NMNAT1: variants seen among roughly 807,000 people sequenced by gnomAD.
NMNAT1 encodes the protein nicotinamide/nicotinic acid mononucleotide adenylyltransferase 1.
In NMNAT1, 11 loss-of-function variants were observed where a neutral mutation model predicts 16.7. The ratio of observed to expected loss-of-function variants is 0.66; its 90% CI spans 0.41 to 1.09. The LOEUF is 1.09. NMNAT1 is among the 50% of genes least tolerant of loss of function. The probability of loss-of-function intolerance (pLI) is 0.00; values close to 1 mark genes in which losing one functional copy is unlikely to be tolerated. For synonymous variants in NMNAT1, 110 were observed against 119.8 expected (o/e 0.92, Z 0.53); for missense variants, 280 against 332.3 (o/e 0.84, Z 1.22).
the NMNAT1 span, among the ~76,000 whole-genome samples, chr1:9,993,008 A>T: frequency 6.6e-6 from 1 of 152,176 alleles, no homozygotes; most frequent in Admixed American, 6.6e-5. Context: ...AGGAGGAAAA[A>T]CATCTCAGAA....
intron 1 of NMNAT1, among the ~76,000 whole-genome samples, chr1:9,955,025 C>T (rs1641219928): frequency 1.3e-5 from 2 of 152,162 alleles, no homozygotes; most frequent in Non-Finnish European, 2.9e-5. Context: ...TGGCTCACGC[C>T]TGTAATCCCA....
chr1:9,979,181 G>A (rs1426924479), intron 3 of NMNAT1, among the ~76,000 whole-genome samples: 1 of 152,134 alleles, frequency 6.6e-6, no homozygotes, highest in Non-Finnish European at 1.5e-5. Flanking sequence ...TAACCAAAAT[G>A]TTCAGGCTGA....
chr1:9,950,390 A>G (rs561751338), intron 1 of NMNAT1, among the ~76,000 whole-genome samples: 1 of 152,230 alleles, frequency 6.6e-6, no homozygotes, highest in Admixed American at 6.6e-5. Flanking sequence ...CACGCCTGGC[A>G]TAATGCAGTT....
At chr1:9,962,063 C>G (rs896219370) in intron 1 of NMNAT1, among the ~76,000 whole-genome samples, 1 of 151,938 alleles carries the variant, frequency 6.6e-6, no homozygotes, top group Non-Finnish European at 1.5e-5. Context: ...CTACCGCGCC[C>G]GGACCCCAAG....
chr1:9,948,849 T>C (rs1004516540), intron 1 of NMNAT1, among the ~76,000 whole-genome samples: 3 of 148,250 alleles, frequency 2.0e-5, no homozygotes, highest in African/African-American at 4.9e-5. Flanking sequence ...GGTTTCACCA[T>C]GTTGGCCAGG....
intron 1 of NMNAT1, among the ~76,000 whole-genome samples, chr1:9,965,374 A>G (rs1557465431): frequency 6.6e-6 from 1 of 151,126 alleles, no homozygotes; most frequent in Non-Finnish European, 1.5e-5. Flanking sequence ...CTTTGGATAT[A>G]TAAGAATATT....
the NMNAT1 span, among the ~76,000 whole-genome samples, chr1:9,991,373 T>C: frequency 3.9e-5 from 6 of 152,118 alleles, no homozygotes; most frequent in African/African-American, 1.4e-4. Context: ...TTTCACCCTG[T>C]TGGCCAGGCT....
At chr1:9,977,148 C>T (rs181862153) in intron 3 of NMNAT1, among the ~76,000 whole-genome samples, 1 of 152,330 alleles carries the variant, frequency 6.6e-6, no homozygotes, top group East Asian at 1.9e-4. Context: ...CTCAGGTGAT[C>T]TGCCCATCTC....
At chr1:9,968,824 A>G (rs1641623525) in intron 1 of NMNAT1, among the ~76,000 whole-genome samples, 1 of 147,112 alleles carries the variant, frequency 6.8e-6, no homozygotes, top group Non-Finnish European at 1.5e-5. Context: ...CTGTAATCCC[A>G]GCTACTTGGG....
chr1:9,956,138 G>C (rs1641253314), intron 1 of NMNAT1, among the ~76,000 whole-genome samples: 1 of 151,198 alleles, frequency 6.6e-6, no homozygotes, highest in Non-Finnish European at 1.5e-5. Context: ...TGTCATCACT[G>C]GTAAATAAAT....
Position 9,974,528 on chromosome 1 carries a change from A to G in NMNAT1, c.116-1064A>G, listed in dbSNP as rs532313063. 1.6e-4 allele frequency among the ~76,000 whole-genome samples: 24 copies of G among 151,938 alleles called. No homozygotes were observed. The South Asian group carries it at 3.1e-3, about 20-fold the overall frequency. On this transcript the variant is annotated intron_variant, in intron 2 of 4. Coordinates refer to ENST00000377205, the MANE Select transcript of NMNAT1 (RefSeq NM_022787.4). ...CTCAGCCTCCGGAGTAGCTGGGATT[A>G]CAGGTGCCCGCCACCATGCCTGGCT...
At position 9,985,189 on chromosome 1, in the gene NMNAT1, C is replaced by T. The variant is rs953125220; in HGVS notation, c.*2488C>T. Reference sequence around the variant, plus strand: ...ATCCACTCAGCTGTGAGGCTGCGTACACAGTCTCCACCTCTGAAATCTGAA... The same window carrying T: ...ATCCACTCAGCTGTGAGGCTGCGTATACAGTCTCCACCTCTGAAATCTGAA... On this transcript the variant is annotated 3_prime_UTR_variant, in exon 5 of 5. Coordinates refer to ENST00000377205, the MANE Select transcript of NMNAT1 (RefSeq NM_022787.4). 5 of 152,302 alleles carry T rather than the reference C, an allele frequency of 3.3e-5. No homozygotes were observed. The highest frequency in any genetic ancestry group is 1.2e-4 in the African/African-American group (5 of 41,560). 9.4% of individuals were successfully genotyped at this position (152,302 alleles called of 1,614,324 possible). A position where few individuals can be genotyped will look rare whatever the true frequency, so the allele number is the denominator to read the frequency against.
chr1:9,978,373 G>A lies in NMNAT1; in HGVS notation c.299+2598G>A, dbSNP rs114721678. On this transcript the variant is annotated intron_variant, in intron 3 of 4. Transcript: ENST00000377205. ...TCCGTCTCAAAAAAAAAGATTACTTGTCAGGCTCCACAGTCCCAGGATGAT... is the reference window on the plus strand; with the variant it reads ...TCCGTCTCAAAAAAAAAGATTACTTATCAGGCTCCACAGTCCCAGGATGAT... Among the ~76,000 whole-genome samples, 1,498 of 152,180 alleles carry A rather than the reference G, an allele frequency of 9.8e-3. 13 individuals carry two copies. The highest frequency in any genetic ancestry group is 0.016 in the Non-Finnish European group (1,092 of 67,986).
At chr1:9,947,956 G>T (rs1641016692) in intron 1 of NMNAT1, among the ~76,000 whole-genome samples, 1 of 152,174 alleles carries the variant, frequency 6.6e-6, no homozygotes, top group Admixed American at 6.6e-5. Context: ...CCCTGCAGTG[G>T]TTGATGAGGT....
intron 1 of NMNAT1, among the ~76,000 whole-genome samples, chr1:9,957,403 C>T (rs757704158): frequency 1.9e-4 from 28 of 151,208 alleles, no homozygotes; most frequent in Non-Finnish European, 3.4e-4. Context: ...TCACTGTAAC[C>T]TCCACCTCCC....
At chr1:9,977,201 C>T (rs1431055516) in intron 3 of NMNAT1, among the ~76,000 whole-genome samples, 1 of 152,164 alleles carries the variant, frequency 6.6e-6, no homozygotes, top group African/African-American at 2.4e-5. Context: ...AGCCACCGCA[C>T]CTGGCTGACA....
intron 3 of NMNAT1, among the ~76,000 whole-genome samples, chr1:9,977,752 G>A (rs1641847309): frequency 6.6e-6 from 1 of 151,966 alleles, no homozygotes; most frequent in Admixed American, 6.6e-5. Flanking sequence ...CAGCTACTAG[G>A]GAGGCTGAGG....
intron 1 of NMNAT1, among the ~76,000 whole-genome samples, chr1:9,968,080 G>GTTTTTTTTTTTTTTTT (rs6143117): frequency 2.7e-4 from 32 of 117,800 alleles, no homozygotes; most frequent in Non-Finnish European, 4.1e-4. Context: ...TTTTTTTTTT[G>GTTTTTTTTTTTTTTTT]TTTTTTTTTG....
At chr1:9,985,558 C>G (rs1570719974), downstream of NMNAT1, 1 of 152,210 alleles carries the variant, frequency 6.6e-6, no homozygotes. Flanking sequence ...AAGGACTAGG[C>G]TGAACTTGCC....
Sources: gnomAD v4.1 joint callset for allele counts (sites outside exome capture counted in the v4.1 genomes callset) on GRCh38, gnomAD v4.1.1 for gene constraint, MANE v1.5 for transcripts, NCBI Gene and HGNC (gene_info 2026-07-23, HGNC 2026-07-21) for gene names.